RORA: variants seen among roughly 807,000 people sequenced by gnomAD.
The protein encoded by RORA is RAR related orphan receptor A, also known as nuclear receptor ROR-alpha.
RORA carries 7 observed loss-of-function variants against 69.5 expected under a neutral mutation model. The observed-to-expected ratio is 0.10, with a 90% CI of 0.06 to 0.19. The LOEUF is 0.19. Ranked by LOEUF, RORA falls within the 10% of genes least tolerant of loss-of-function variation. The pLI, the probability that RORA is intolerant of heterozygous loss-of-function variation, is 1.00. For missense variants in RORA, 457 were observed against 663.0 expected (o/e 0.69, Z 3.41); for synonymous variants, 261 against 240.8 (o/e 1.08, Z -0.78).
chr15:60,790,091 C>T (rs1195709291), intron 1 of RORA, among the ~76,000 whole-genome samples: 2 of 152,226 alleles, frequency 1.3e-5, no homozygotes, highest in Admixed American at 6.5e-5. Flanking sequence ...AGTGAAAAGA[C>T]AAGTGGCTCA....
chr15:60,616,703 A>G (rs8041723), intron 2 of RORA, among the ~76,000 whole-genome samples: 2,237 of 152,328 alleles, frequency 0.015, 69 homozygotes, highest in African/African-American at 0.051. Context: ...GGTACAAATG[A>G]ACTGATTTTC....
intron 2 of RORA, among the ~76,000 whole-genome samples, chr15:60,599,544 C>T (rs1214846423): frequency 1.3e-5 from 2 of 151,250 alleles, no homozygotes; most frequent in East Asian, 3.9e-4. Context: ...GAGCAAGACT[C>T]TGTCTTAAAA....
In RORA at chr15:60,531,825, T is replaced by A; in HGVS notation, c.223A>T (p.Ile75Phe). The A allele has an allele frequency of 6.3e-7, 1 of 1,598,414 alleles. No homozygotes were observed. The highest frequency in any genetic ancestry group is 8.5e-7 in the Non-Finnish European group (1 of 1,174,528). ...ATTCCTGATGATTTGTCTCCACAGA[T>A]CTTGCATGGAATAATTTCAATTTGA... Reference protein sequence around the residue: ...TSQIEIIPCKICGDKSSGIHY... With the variant: ...TSQIEIIPCKFCGDKSSGIHY... Residue 75 changes from isoleucine (I) to phenylalanine (F), a missense_variant, in exon 3 of 11, where the codon ATC (isoleucine) becomes TTC (phenylalanine). By Grantham distance (21) the Ile-to-Phe change is conservative. Coordinates refer to ENST00000335670, the MANE Select transcript of RORA (RefSeq NM_134261.3). The surrounding 1 kb of genome is among the most constrained non-coding windows in gnomAD (Gnocchi z 4.8).
intron 2 of RORA, chr15:60,592,764 G>T: frequency 9.9e-7 from 1 of 1,008,358 alleles, no homozygotes; most frequent in Non-Finnish European, 1.3e-6. Context: ...CCGCGCCCCG[G>T]GCCCTCGCCC....
chr15:60,559,952 A>G (rs1007706429), intron 2 of RORA, among the ~76,000 whole-genome samples: 1 of 152,238 alleles, frequency 6.6e-6, no homozygotes, highest in East Asian at 1.9e-4. Context: ...GCCATAGCCA[A>G]GAGTTAATAT....
At chr15:60,638,018 G>C (rs1567136831) in intron 2 of RORA, among the ~76,000 whole-genome samples, 1 of 152,108 alleles carries the variant, frequency 6.6e-6, no homozygotes, top group Non-Finnish European at 1.5e-5. Context: ...CTATGACACA[G>C]AAAATCAGAA....
Position 61,198,828 on chromosome 15 carries a change from A to G in RORA, c.166+30225T>C, listed in dbSNP as rs970268399. Among the ~76,000 whole-genome samples, 9 of 152,256 alleles carry G rather than the reference A, an allele frequency of 5.9e-5. No individual in the cohort carries two copies. In the East Asian group the frequency reaches 1.7e-3, roughly 29 times the overall value. On this transcript the variant is annotated intron_variant, in intron 1 of 10. Transcript: ENST00000335670. ...CAAATTCCAGAGCCCAGTAATCAAG[A>G]GGCTTACTCTCCATACTAATTCCTA... is the stretch of plus-strand genomic sequence containing the variant.
At chr15:61,074,136 G>A (rs893493332) in intron 1 of RORA, among the ~76,000 whole-genome samples, 4 of 152,118 alleles carry the variant, frequency 2.6e-5, no homozygotes, top group African/African-American at 9.7e-5. Context: ...AGCTCCTCCA[G>A]GCCCCCCACC....
intron 1 of RORA, among the ~76,000 whole-genome samples, chr15:60,948,410 G>C (rs1162517447): frequency 1.3e-5 from 2 of 152,136 alleles, no homozygotes; most frequent in Non-Finnish European, 2.9e-5. Context: ...AGTTATAGAA[G>C]TCACTTCTGG....
chr15:61,164,477 G>A (rs1011883380), intron 1 of RORA, among the ~76,000 whole-genome samples: 33 of 152,130 alleles, frequency 2.2e-4, no homozygotes, highest in African/African-American at 8.0e-4. Context: ...TGCAACCATT[G>A]CCGTATACAG....
chr15:60,712,000 G>A (rs1309748300), intron 1 of RORA, among the ~76,000 whole-genome samples: 1 of 84,580 alleles, frequency 1.2e-5, no homozygotes, highest in Non-Finnish European at 3.1e-5. Context: ...GTGATACGTA[G>A]TCTAATAATA....
At chr15:60,648,485 C>A (rs548360912) in intron 2 of RORA, among the ~76,000 whole-genome samples, 1 of 152,288 alleles carries the variant, frequency 6.6e-6, no homozygotes, top group African/African-American at 2.4e-5. Flanking sequence ...CTTCCACAAG[C>A]CTAGGATAAA....
intron 1 of RORA, among the ~76,000 whole-genome samples, chr15:60,813,414 A>C (rs780772155): frequency 6.6e-6 from 1 of 151,540 alleles, no homozygotes; most frequent in East Asian, 1.9e-4. Context: ...CACGAAGTGT[A>C]TGGGTGGCAA....
At chr15:60,949,269 A>C (rs1893004999) in intron 1 of RORA, among the ~76,000 whole-genome samples, 1 of 152,174 alleles carries the variant, frequency 6.6e-6, no homozygotes, top group African/African-American at 2.4e-5. Context: ...GTCTCCTACT[A>C]TCCATGATGA....
At chr15:60,542,023 A>G (rs79213969) in intron 2 of RORA, among the ~76,000 whole-genome samples, 7,407 of 152,286 alleles carry the variant, frequency 0.049, 643 homozygotes, top group African/African-American at 0.17. Flanking sequence ...ACTGTTTGGC[A>G]ATGTGTGTCT....
intron 1 of RORA, among the ~76,000 whole-genome samples, chr15:60,988,326 G>C (rs1221973085): frequency 6.6e-6 from 1 of 152,136 alleles, no homozygotes; most frequent in Non-Finnish European, 1.5e-5. Flanking sequence ...AGCAAATGTA[G>C]CTACAATCAG....
chr15:61,218,328 A>C (rs1413731928), intron 1 of RORA, among the ~76,000 whole-genome samples: 1 of 152,048 alleles, frequency 6.6e-6, no homozygotes, highest in African/African-American at 2.4e-5. Flanking sequence ...TTCAAGCTGA[A>C]TGACCCTTGT....
At chr15:60,734,236 T>C (rs2071469098) in intron 1 of RORA, among the ~76,000 whole-genome samples, 1 of 152,042 alleles carries the variant, frequency 6.6e-6, no homozygotes, top group Non-Finnish European at 1.5e-5. Flanking sequence ...ACCTGGAAAA[T>C]TATTAAAATA....
intron 1 of RORA, among the ~76,000 whole-genome samples, chr15:61,107,605 G>A (rs2078963343): frequency 6.6e-6 from 1 of 151,794 alleles, no homozygotes; most frequent in Admixed American, 6.6e-5. Flanking sequence ...AAGCACTCTG[G>A]AAGCACCTAA....
Sources: gnomAD v4.1 joint callset for allele counts (sites outside exome capture counted in the v4.1 genomes callset) on GRCh38, gnomAD v4.1.1 for gene constraint, Gnocchi (gnomAD v3.1) non-coding constraint, MANE v1.5 for transcripts, NCBI Gene and HGNC (gene_info 2026-07-23, HGNC 2026-07-21) for gene names.